The following DIAPH2 variants were observed in gnomAD, a reference collection of about 807,000 sequenced individuals.
DIAPH2 encodes diaphanous related formin 2.
A neutral mutation model predicts 92.7 loss-of-function variants in DIAPH2; 35 were observed. The observed-to-expected ratio is 0.38, with a 90% confidence interval of 0.29 to 0.50. The LOEUF (loss-of-function observed/expected upper bound fraction) is 0.50, where lower values mean the gene tolerates loss of function less well. DIAPH2 is among the 20% of genes least tolerant of loss of function. DIAPH2 has a pLI of 0.94. For missense variants in DIAPH2, 701 were observed against 819.5 expected (o/e 0.86, Z 1.77); for synonymous variants, 301 against 280.4 (o/e 1.07, Z -0.73).
chrX:97,294,065 C>A (rs924986799), intron 23 of DIAPH2, among the ~76,000 whole-genome samples: 2 of 112,002 alleles, frequency 1.8e-5, no homozygotes, highest in Non-Finnish European at 3.8e-5. Context: ...GATTGAATAT[C>A]TAGTCCACCA....
At chrX:96,851,467 C>T (rs940914177) in intron 4 of DIAPH2, among the ~76,000 whole-genome samples, 1 of 111,510 alleles carries the variant, frequency 9.0e-6, no homozygotes, top group East Asian at 2.8e-4. Context: ...TCCAGAACCA[C>T]CCCCCCTTGC....
intron 24 of DIAPH2, among the ~76,000 whole-genome samples, chrX:97,364,769 T>TTTTTTTTTTG (rs2147709773): frequency 1.1e-5 from 1 of 94,604 alleles, no homozygotes; most frequent in African/African-American, 4.7e-5. Flanking sequence ...GTTTTTTTTT[T>TTTTTTTTTTG]TTTTTTTTTG....
chrX:97,292,101 C>G (rs2068596591), intron 23 of DIAPH2, among the ~76,000 whole-genome samples: 1 of 92,109 alleles, frequency 1.1e-5, no homozygotes, highest in African/African-American at 4.2e-5. Context: ...GAGACAGAGT[C>G]TTGCTCTGTC....
At chrX:97,070,897 C>T (rs1192040711) in intron 17 of DIAPH2, among the ~76,000 whole-genome samples, 1 of 111,494 alleles carries the variant, frequency 9.0e-6, no homozygotes, top group Non-Finnish European at 1.9e-5. Context: ...TTAAAAAATG[C>T]AAAAATATAA....
At chrX:97,525,997 A>G (rs1321638622) in intron 26 of DIAPH2, among the ~76,000 whole-genome samples, 3 of 112,241 alleles carry the variant, frequency 2.7e-5, no homozygotes, top group Non-Finnish European at 5.6e-5. Flanking sequence ...AGTGTTTCTT[A>G]TTTCCTACTT....
chrX:97,051,501 C>G (rs934011958), intron 17 of DIAPH2, among the ~76,000 whole-genome samples: 21 of 91,538 alleles, frequency 2.3e-4, no homozygotes, highest in African/African-American at 8.8e-4. Context: ...ATATAACTGT[C>G]TTGCTTTGTT....
At position 97,604,760 on chromosome X, in the gene DIAPH2, C is replaced by G. The variant is rs577479734; in HGVS notation, c.*5443C>G. 1 of 111,807 alleles carries G rather than the reference C, an allele frequency of 8.9e-6. No individual in the cohort carries two copies. The highest frequency in any genetic ancestry group is 3.3e-5 in the African/African-American group (1 of 30,662). The allele number at this position is 111,807 out of a possible 1,213,427, so 9.2% of individuals were successfully genotyped here. On this transcript the variant is annotated 3_prime_UTR_variant, in exon 27 of 27. Coordinates refer to ENST00000324765, the MANE Select transcript of DIAPH2 (RefSeq NM_006729.5). ...TTCTTTACAAGCTTATTTTACATAC[C>G]GTGAATCCCTCACCTAAAGGGAGAG... is the stretch of plus-strand genomic sequence containing the variant.
At chrX:97,211,206 C>T in intron 22 of DIAPH2, among the ~76,000 whole-genome samples, 1 of 111,119 alleles carries the variant, frequency 9.0e-6, no homozygotes, top group Admixed American at 9.6e-5. Flanking sequence ...TCTCCCTCAG[C>T]CTCATTTGAA....
At chrX:97,342,539 T>A (rs938776840) in intron 23 of DIAPH2, among the ~76,000 whole-genome samples, 13 of 112,120 alleles carry the variant, frequency 1.2e-4, no homozygotes, top group Non-Finnish European at 2.1e-4. Context: ...AATTTATTTT[T>A]TAAAAAGGTT....
chrX:96,765,910 G>GT (rs1465558642), intron 4 of DIAPH2, among the ~76,000 whole-genome samples: 1 of 110,908 alleles, frequency 9.0e-6, no homozygotes, highest in Non-Finnish European at 1.9e-5. Context: ...CTGGAATGCC[G>GT]TTTTCTTCTT....
At chrX:96,983,878 G>A (rs1273393039) in intron 17 of DIAPH2, among the ~76,000 whole-genome samples, 1 of 111,277 alleles carries the variant, frequency 9.0e-6, no homozygotes, top group African/African-American at 3.3e-5. Context: ...TCCTTGGTGG[G>A]CAGTTTATAT....
chrX:97,518,491 T>C (rs2070966408), intron 26 of DIAPH2, among the ~76,000 whole-genome samples: 1 of 110,302 alleles, frequency 9.1e-6, no homozygotes, highest in African/African-American at 3.3e-5. Flanking sequence ...CATATATATA[T>C]GTATGTATGT....
chrX:96,865,534 G>C (rs1006110891), intron 4 of DIAPH2, among the ~76,000 whole-genome samples: 3 of 111,943 alleles, frequency 2.7e-5, no homozygotes, highest in Non-Finnish European at 5.6e-5. Context: ...GACCAGTTTG[G>C]AAGTTAGTAA....
In DIAPH2 at chrX:96,900,606, T is replaced by G. The variant is rs758914901; in HGVS notation, c.588-11722T>G. The stretch of plus-strand genomic sequence containing the variant: ...CTTTGGGTTGGTCATATATGGCTTT[T>G]ATTACTTTGAGGGAAGTCCCTTCTG... On this transcript the variant is annotated intron_variant, in intron 5 of 26. Coordinates refer to ENST00000324765, the MANE Select transcript of DIAPH2 (RefSeq NM_006729.5). 1.4e-4 allele frequency among the ~76,000 whole-genome samples: 16 copies of G among 111,583 alleles called. No homozygotes were observed. The East Asian group carries it at 4.5e-3, about 32-fold the overall frequency.
At chrX:97,023,384 C>G (rs1332180752) in intron 17 of DIAPH2, among the ~76,000 whole-genome samples, 1 of 111,840 alleles carries the variant, frequency 8.9e-6, no homozygotes, top group African/African-American at 3.3e-5. Flanking sequence ...AAACACATAT[C>G]TAGTGCTTGC....
chrX:96,915,122 G>A (rs2065494555), intron 7 of DIAPH2, among the ~76,000 whole-genome samples: 1 of 110,792 alleles, frequency 9.0e-6, no homozygotes, highest in African/African-American at 3.3e-5. Flanking sequence ...TTGGATTAAT[G>A]ATTTTCCAGA....
chrX:96,966,864 A>G (rs2065896523), intron 17 of DIAPH2, among the ~76,000 whole-genome samples: 1 of 112,057 alleles, frequency 8.9e-6, no homozygotes, highest in Non-Finnish European at 1.9e-5. Flanking sequence ...GTATCAGTTT[A>G]TAATGTCACA....
intron 23 of DIAPH2, among the ~76,000 whole-genome samples, chrX:97,275,321 GT>G (rs1427299694): frequency 1.3e-3 from 2 of 1,483 alleles, no homozygotes; most frequent in African/African-American, 3.2e-3. Flanking sequence ...GGCGGGGGCT[GT>G]CCCCCCGCCC....
At chrX:97,263,900 T>TTTTATTTATTTA (rs10644882) in intron 23 of DIAPH2, among the ~76,000 whole-genome samples, 4,323 of 93,975 alleles carry the variant, frequency 0.046, 118 homozygotes, top group Non-Finnish European at 0.063. Context: ...ACTGTTAGTT[T>TTTTATTTATTTA]TTTATTTATT....
Sources: allele counts gnomAD v4.1 joint callset (sites outside exome capture counted in the v4.1 genomes callset), GRCh38; gene constraint gnomAD v4.1.1; transcripts MANE v1.5; gene names NCBI Gene and HGNC (gene_info 2026-07-23, HGNC 2026-07-21).